The following FAM13A variants were observed in gnomAD, a reference collection of about 807,000 sequenced individuals.
FAM13A encodes protein FAM13A.
A neutral mutation model predicts 129.6 loss-of-function variants in FAM13A; 76 were observed. The observed-to-expected ratio is 0.59, with a 90% CI of 0.49 to 0.71. FAM13A has a LOEUF of 0.71. Ranked by LOEUF, FAM13A falls within the 30% of genes least tolerant of loss-of-function variation. The pLI is 0.00. For missense variants in FAM13A, 1,108 were observed against 1,249.3 expected (o/e 0.89, Z 1.70); for synonymous variants, 443 against 449.9 (o/e 0.98, Z 0.20).
intron 4 of FAM13A, among the ~76,000 whole-genome samples, chr4:88,987,331 GAATAGGGAGGAATACACATTTGCATGA>G (rs1270474225): frequency 6.6e-6 from 1 of 152,166 alleles, no homozygotes; most frequent in East Asian, 1.9e-4. Flanking sequence ...AACTGATAGT[GAATAGGGAGGAATACACATTTGCATGA>G]TGCCCAAGTA....
chr4:88,958,720 G>A (rs546776281), intron 4 of FAM13A, among the ~76,000 whole-genome samples: 1 of 152,298 alleles, frequency 6.6e-6, no homozygotes, highest in East Asian at 1.9e-4. Flanking sequence ...CCCCGACAGA[G>A]TCCCCACTAG....
chr4:88,980,772 G>A (rs1761560635), intron 4 of FAM13A, among the ~76,000 whole-genome samples: 1 of 152,144 alleles, frequency 6.6e-6, no homozygotes, highest in Non-Finnish European at 1.5e-5. Flanking sequence ...AAATATAGCT[G>A]CTTAACAGCA....
intron 4 of FAM13A, among the ~76,000 whole-genome samples, chr4:88,966,234 C>T (rs996519467): frequency 2.6e-5 from 4 of 152,138 alleles, no homozygotes; most frequent in African/African-American, 7.2e-5. Context: ...TGGGTGATTG[C>T]TTTTCCCAAA....
At chr4:88,806,871 C>A (rs1477803666) in intron 7 of FAM13A, among the ~76,000 whole-genome samples, 1 of 152,158 alleles carries the variant, frequency 6.6e-6, no homozygotes, top group African/African-American at 2.4e-5. Flanking sequence ...AAGTCGCTTA[C>A]ACATTTGACT....
chr4:88,750,325 C>G lies in FAM13A; in HGVS notation c.1940+99G>C, dbSNP rs770208282. ...TCAAATATGTTGCTCCATAGGCTCA[C>G]GACTTAATTAAAAAAAATTATTCAC... On this transcript the variant is annotated intron_variant, in intron 15 of 23. Transcript: ENST00000264344. 3.1e-6 allele frequency: 3 copies of G among 974,222 alleles called. No individual in the cohort carries two copies. In the East Asian group the frequency reaches 7.2e-5, roughly 24 times the overall value. 60.3% of individuals were successfully genotyped at this position (974,222 alleles called of 1,614,324 possible).
At chr4:88,966,851 T>C (rs1320898213) in intron 4 of FAM13A, among the ~76,000 whole-genome samples, 1 of 152,198 alleles carries the variant, frequency 6.6e-6, no homozygotes, top group Non-Finnish European at 1.5e-5. Context: ...ATGGAGACAT[T>C]TAACCTCCTA....
chr4:88,780,301 T>C (rs559139664), intron 11 of FAM13A, among the ~76,000 whole-genome samples: 60 of 152,272 alleles, frequency 3.9e-4, no homozygotes, highest in Middle Eastern at 3.4e-3. Flanking sequence ...ATGAATTTTA[T>C]TGAATGTATG....
In FAM13A at chr4:88,750,606, C is replaced by T. The variant is rs1560889840; in HGVS notation, c.1758G>A (p.Arg586=). 6.2e-7 allele frequency: 1 copy of T among 1,614,000 alleles called. No homozygotes were observed. Residue 586 remains arginine, a synonymous_variant, in exon 15 of 24, where the codon CGG becomes CGA. Transcript: ENST00000264344. The part of the protein sequence containing the change: ...EPIPAFSSWQ[R]ENSDSDEAHL... Reference sequence around the variant, plus strand: ...GGGCTTCATCAGAGTCACTGTTCTCCCGCTGCCAGGAGGAGAAAGCAGGGA... The same window carrying T: ...GGGCTTCATCAGAGTCACTGTTCTCTCGCTGCCAGGAGGAGAAAGCAGGGA...
At chr4:88,875,483 T>A (rs1579068259) in intron 6 of FAM13A, among the ~76,000 whole-genome samples, 1 of 151,960 alleles carries the variant, frequency 6.6e-6, no homozygotes, top group Admixed American at 6.6e-5. Flanking sequence ...TGGGCAAAGG[T>A]TATAACAGAC....
intron 8 of FAM13A, 148 bp from the exon 9 acceptor site, chr4:88,790,775 T>G: frequency 1.5e-6 from 1 of 675,750 alleles, no homozygotes; most frequent in East Asian, 2.6e-5. Flanking sequence ...TGAAAGATGC[T>G]CATTTTCACT....
chr4:88,731,177 C>T (rs1217678839), intron 23 of FAM13A, 150 bp downstream of exon 23: 8 of 574,634 alleles, frequency 1.4e-5, no homozygotes, highest in Admixed American at 3.2e-5. Context: ...TCTAAGTGTC[C>T]CTGGGCACAA....
At position 88,923,794 on chromosome 4, in the gene FAM13A, C is replaced by T. The variant is rs934347484; in HGVS notation, c.759+14294G>A. On this transcript the variant is annotated intron_variant, in intron 5 of 23. Coordinates refer to ENST00000264344, the MANE Select transcript of FAM13A (RefSeq NM_014883.4). ...GTTTGCAGATGACATGATTGTATAT[C>T]TAGAAAACCCCATTGTCTCAGCCCA... Among the ~76,000 whole-genome samples, 660 of 152,186 alleles carry T rather than the reference C, an allele frequency of 4.3e-3. 3 individuals carry two copies. The highest frequency in any genetic ancestry group is 0.015 in the African/African-American group (627 of 41,518).
chr4:88,785,607 G>C (rs1205092667), intron 10 of FAM13A, among the ~76,000 whole-genome samples: 1 of 152,044 alleles, frequency 6.6e-6, no homozygotes, highest in Non-Finnish European at 1.5e-5. Flanking sequence ...AGCGGAATGA[G>C]AGCACTGGAT....
chr4:88,940,520 C>T (rs572278545), intron 4 of FAM13A, among the ~76,000 whole-genome samples: 3 of 152,146 alleles, frequency 2.0e-5, no homozygotes, highest in South Asian at 2.1e-4. Context: ...AGAACTTATA[C>T]AAAAATGAAA....
chr4:88,764,114 T>C (rs768862328), intron 13 of FAM13A, among the ~76,000 whole-genome samples: 10 of 152,222 alleles, frequency 6.6e-5, no homozygotes, highest in African/African-American at 9.6e-5. Flanking sequence ...TCAGTCTTGA[T>C]TGAAAAGCCT....
At chr4:88,896,014 C>T (rs1428977879) in intron 6 of FAM13A, among the ~76,000 whole-genome samples, 76 of 146,620 alleles carry the variant, frequency 5.2e-4, no homozygotes, top group Non-Finnish European at 9.8e-4. Context: ...AGACTTGGAA[C>T]CAACCCAAAT....
intron 1 of FAM13A, among the ~76,000 whole-genome samples, chr4:89,047,312 C>T (rs1770991255): frequency 6.6e-6 from 1 of 151,942 alleles, no homozygotes; most frequent in Non-Finnish European, 1.5e-5. Context: ...TTATTTTCTC[C>T]TCTTAAGTTA....
chr4:88,897,311 G>A (rs1579174924), intron 6 of FAM13A, among the ~76,000 whole-genome samples: 1 of 152,198 alleles, frequency 6.6e-6, no homozygotes, highest in African/African-American at 2.4e-5. Context: ...GTAAGTCCTT[G>A]AGCTAGCAGG....
intron 6 of FAM13A, 79 bp from the exon 7 acceptor site, chr4:88,851,262 C>A (rs1340505377): frequency 2.5e-5 from 31 of 1,260,648 alleles, no homozygotes; most frequent in Non-Finnish European, 3.3e-5. Context: ...TGATAAAAGA[C>A]AATTTATTCC....
Sources: allele counts gnomAD v4.1 joint callset (sites outside exome capture counted in the v4.1 genomes callset), GRCh38; gene constraint gnomAD v4.1.1; transcripts MANE v1.5; gene names NCBI Gene and HGNC (gene_info 2026-07-23, HGNC 2026-07-21).